The following PTPRN2 variants were observed in gnomAD, a reference collection of about 807,000 sequenced individuals.
PTPRN2 encodes the protein receptor-type tyrosine-protein phosphatase N2.
In PTPRN2, 74 loss-of-function variants were observed where a neutral mutation model predicts 118.8. The ratio of observed to expected loss-of-function variants is 0.62; its 90% CI spans 0.52 to 0.76. PTPRN2 has a LOEUF of 0.76. Among genes scored for constraint, PTPRN2 ranks in the 30% least tolerant of loss-of-function variants. The pLI is 0.00. For synonymous variants in PTPRN2, 641 were observed against 608.0 expected (o/e 1.05, Z -0.80); for missense variants, 1,481 against 1,394.4 (o/e 1.06, Z -0.99).
At chr7:157,982,131 TGC>T in intron 11 of PTPRN2, among the ~76,000 whole-genome samples, 10 of 118,022 alleles carry the variant, frequency 8.5e-5, no homozygotes, top group African/African-American at 2.5e-4. Flanking sequence ...GAATGCAGAG[TGC>T]AGCGTCCCCC....
At chr7:157,972,701 G>A (rs113074378) in intron 11 of PTPRN2, among the ~76,000 whole-genome samples, 5 of 131,744 alleles carry the variant, frequency 3.8e-5, no homozygotes, top group African/African-American at 8.6e-5. Context: ...CAGAGACCAC[G>A]GGCACTCCAC....
chr7:158,130,622 A>G (rs1388981564), intron 9 of PTPRN2, among the ~76,000 whole-genome samples: 1 of 151,786 alleles, frequency 6.6e-6, no homozygotes, highest in Non-Finnish European at 1.5e-5. Context: ...ATACACACTC[A>G]TATGCACATA....
chr7:157,589,541 C>G (rs966861725), intron 17 of PTPRN2, among the ~76,000 whole-genome samples: 2 of 152,198 alleles, frequency 1.3e-5, no homozygotes, highest in South Asian at 2.1e-4. Flanking sequence ...CTCCTCCTCT[C>G]GTCTTCCTTC....
chr7:158,387,555 G>T (rs1811547620), intron 2 of PTPRN2, among the ~76,000 whole-genome samples: 1 of 152,304 alleles, frequency 6.6e-6, no homozygotes, highest in Non-Finnish European at 1.5e-5. Flanking sequence ...ACTCCAGGGG[G>T]CTGCGGCATC....
intron 11 of PTPRN2, among the ~76,000 whole-genome samples, chr7:158,007,406 A>G (rs1404284932): frequency 1.3e-5 from 2 of 152,052 alleles, no homozygotes; most frequent in African/African-American, 4.8e-5. Flanking sequence ...ACCTGAGCCC[A>G]CCCAACACCA....
At chr7:158,002,385 G>T (rs1563318212) in intron 11 of PTPRN2, among the ~76,000 whole-genome samples, 1 of 152,168 alleles carries the variant, frequency 6.6e-6, no homozygotes, top group African/African-American at 2.4e-5. Flanking sequence ...CCCCTAAAAA[G>T]CTTCCAGTTT....
chr7:158,550,762 CTTCCTACTAAGTG>C (rs989743485), intron 1 of PTPRN2, among the ~76,000 whole-genome samples: 8 of 152,360 alleles, frequency 5.3e-5, no homozygotes, highest in Middle Eastern at 6.8e-3. Context: ...TGGGACCTGA[CTTCCTACTAAGTG>C]TAATTACCTC....
chr7:158,495,756 A>C (rs1821795285), intron 1 of PTPRN2, among the ~76,000 whole-genome samples: 1 of 152,230 alleles, frequency 6.6e-6, no homozygotes, highest in African/African-American at 2.4e-5. Context: ...AAAGCGCCTC[A>C]GCCCGGAGGC....
chr7:158,321,233 G>GCA (rs1425958910), intron 2 of PTPRN2, among the ~76,000 whole-genome samples: 9 of 152,222 alleles, frequency 5.9e-5, no homozygotes, highest in Admixed American at 3.3e-4. Context: ...CCGGGAAGTG[G>GCA]CACACTGAAG....
At chr7:157,937,935 C>CTT (rs1365394136) in intron 11 of PTPRN2, among the ~76,000 whole-genome samples, 7 of 152,126 alleles carry the variant, frequency 4.6e-5, no homozygotes, top group African/African-American at 1.4e-4. Flanking sequence ...TTCCCCATCT[C>CTT]TCTCTCTGTT....
intron 2 of PTPRN2, among the ~76,000 whole-genome samples, chr7:158,380,621 C>T (rs1216882374): frequency 6.6e-6 from 1 of 152,212 alleles, no homozygotes; most frequent in Admixed American, 6.5e-5. Flanking sequence ...GCACACAGTG[C>T]CAGTTGTTGG....
At chr7:158,028,275 A>T (rs1054408034) in intron 11 of PTPRN2, 1 of 152,318 alleles carries the variant, frequency 6.6e-6, no homozygotes, top group African/African-American at 2.4e-5. Context: ...GGCTGCGGCC[A>T]GCCAGAATGT....
At chr7:158,352,651 T>C (rs1487192240) in intron 2 of PTPRN2, among the ~76,000 whole-genome samples, 2 of 152,172 alleles carry the variant, frequency 1.3e-5, no homozygotes, top group Non-Finnish European at 2.9e-5. Flanking sequence ...AGAGGCGTAA[T>C]TGGGGTAGGC....
Position 158,587,717 on chromosome 7 carries a change from G to GGCGGGAGGCGGCCGAGTCCGGGCC in PTPRN2, c.-72_-49dup. The stretch of plus-strand genomic sequence containing the variant: ...CTCAGTCCATGGCCGCGCGGGAGGC[G>GGCGGGAGGCGGCCGAGTCCGGGCC]GCGGGAGGCGGCCGAGTCCGGGCCC... On this transcript the variant is annotated 5_prime_UTR_variant, in exon 1 of 23. Coordinates refer to ENST00000389418, the MANE Select transcript of PTPRN2 (RefSeq NM_002847.5). The GGCGGGAGGCGGCCGAGTCCGGGCC allele has an allele frequency of 8.7e-7, 1 of 1,149,010 alleles. No individual in the cohort carries two copies. Among genetic ancestry groups the GGCGGGAGGCGGCCGAGTCCGGGCC allele is most frequent in the Non-Finnish European group, 1.1e-6 (1 of 936,096 alleles). The allele number at this position is 1,149,010 out of a possible 1,614,324, so 71.2% of individuals were successfully genotyped here.
In PTPRN2 at chr7:157,646,149, C is replaced by CT. The variant is rs138735608; in HGVS notation, c.2196+10207dup. 7.1e-4 allele frequency among the ~76,000 whole-genome samples: 108 copies of CT among 152,272 alleles called. 1 individual carries two copies. The East Asian group carries it at 0.02, about 28-fold the overall frequency. On this transcript the variant is annotated intron_variant, in intron 14 of 22. Transcript: ENST00000389418. ...ACAGTAGGCGCTGCCTCCGCATGGC[C>CT]TTGTGATGTGGTTTGGATCTGTGTC...
chr7:157,957,185 G>A (rs1801239410), intron 11 of PTPRN2, among the ~76,000 whole-genome samples: 1 of 152,182 alleles, frequency 6.6e-6, no homozygotes, highest in East Asian at 1.9e-4. Flanking sequence ...AGTCACCCAA[G>A]GTGACTATAA....
chr7:158,252,395 T>G (rs1392804358), intron 3 of PTPRN2, among the ~76,000 whole-genome samples: 1 of 152,178 alleles, frequency 6.6e-6, no homozygotes. Flanking sequence ...GGCGGCCAAC[T>G]GGGCAGCGGG....
chr7:158,415,382 G>A (rs962267188), intron 2 of PTPRN2, among the ~76,000 whole-genome samples: 5 of 152,104 alleles, frequency 3.3e-5, no homozygotes, highest in Non-Finnish European at 7.4e-5. Context: ...GTCACCCCAG[G>A]CCCTACCCAC....
intron 12 of PTPRN2, among the ~76,000 whole-genome samples, chr7:157,766,252 CTCCATCCATCCATCCT>C (rs1469029162): frequency 6.7e-6 from 1 of 148,962 alleles, no homozygotes; most frequent in Non-Finnish European, 1.5e-5. Flanking sequence ...TCCATCCTTC[CTCCATCCATCCATCCT>C]TCCATCCATT....
Sources: gnomAD v4.1 joint callset for allele counts (sites outside exome capture counted in the v4.1 genomes callset) on GRCh38, gnomAD v4.1.1 for gene constraint, MANE v1.5 for transcripts, NCBI Gene and HGNC (gene_info 2026-07-23, HGNC 2026-07-21) for gene names.